ADAMTS19: variants seen among roughly 807,000 people sequenced by gnomAD.
ADAMTS19 encodes the protein A disintegrin and metalloproteinase with thrombospondin motifs 19.
Under a neutral mutation model 153.3 loss-of-function variants are expected in ADAMTS19, and 93 were observed. The observed-to-expected ratio is 0.61, with a 90% CI of 0.51 to 0.72. The LOEUF (loss-of-function observed/expected upper bound fraction) is 0.72, where lower values mean the gene tolerates loss of function less well. Ranked by LOEUF, ADAMTS19 falls within the 30% of genes least tolerant of loss-of-function variation. The pLI, the probability that ADAMTS19 is intolerant of heterozygous loss-of-function variation, is 0.00. For missense variants in ADAMTS19, 1,482 were observed against 1,552.1 expected (o/e 0.95, Z 0.76); for synonymous variants, 600 against 556.6 (o/e 1.08, Z -1.10).
At chr5:129,648,675 C>T in intron 12 of ADAMTS19, 123 bp from the exon 13 acceptor site, 1 of 660,778 alleles carries the variant, frequency 1.5e-6, no homozygotes, top group Non-Finnish European at 2.4e-6. Flanking sequence ...TTAATGTGTC[C>T]AAGTTTTCAA....
chr5:129,512,867 T>G (rs1396437587), intron 3 of ADAMTS19, among the ~76,000 whole-genome samples: 6 of 152,032 alleles, frequency 3.9e-5, no homozygotes, highest in Admixed American at 1.3e-4. Flanking sequence ...TCTTCTTCCA[T>G]CTGTTTACCC....
intron 2 of ADAMTS19, among the ~76,000 whole-genome samples, chr5:129,471,066 A>T (rs1750047718): frequency 8.5e-6 from 1 of 118,062 alleles, no homozygotes; most frequent in Admixed American, 8.5e-5. Context: ...TCAGGATCAA[A>T]ATCAGGCGGT....
At chr5:129,703,860 A>C (rs1180408002) in intron 20 of ADAMTS19, among the ~76,000 whole-genome samples, 1 of 152,222 alleles carries the variant, frequency 6.6e-6, no homozygotes, top group Non-Finnish European at 1.5e-5. Context: ...ATCTAAATAA[A>C]AGAGTACATC....
At chr5:129,617,223 T>C (rs1751571106) in intron 8 of ADAMTS19, among the ~76,000 whole-genome samples, 1 of 152,020 alleles carries the variant, frequency 6.6e-6, no homozygotes, top group Non-Finnish European at 1.5e-5. Flanking sequence ...AATGATAATC[T>C]TTTCTGTTAT....
intron 7 of ADAMTS19, among the ~76,000 whole-genome samples, chr5:129,563,255 A>T (rs777311930): frequency 5.9e-5 from 9 of 152,074 alleles, no homozygotes; most frequent in Non-Finnish European, 1.0e-4. Flanking sequence ...AGAGAATTTC[A>T]GGGACTTAAA....
At chr5:129,647,214 G>GAAAAA (rs34958335) in intron 11 of ADAMTS19, among the ~76,000 whole-genome samples, 5 of 102,286 alleles carry the variant, frequency 4.9e-5, no homozygotes, top group African/African-American at 1.0e-4. Flanking sequence ...AATTCTTTCA[G>GAAAAA]AAAAAAAAAA....
chr5:129,650,695 ATAGT>A (rs1222584287), intron 13 of ADAMTS19, among the ~76,000 whole-genome samples: 2 of 152,124 alleles, frequency 1.3e-5, no homozygotes, highest in African/African-American at 4.8e-5. Flanking sequence ...TTTCTCTCAT[ATAGT>A]TAATCTTCTC....
At position 129,658,347 on chromosome 5, in the gene ADAMTS19, A is replaced by AAGAGAGAGAGAGAGAGAGAGAG. The variant is rs1294171239; in HGVS notation, c.2305-267_2305-266insGAGAGAGAGAGAGAGAGAGAGA. On this transcript the variant is annotated intron_variant, in intron 14 of 22. Coordinates refer to ENST00000274487, the MANE Select transcript of ADAMTS19 (RefSeq NM_133638.6). Reference sequence around the variant, plus strand: ...AAAGAAAGAAAGAAAGAAAGAAAGAAAGAAAGAAAGAAAGAAAGAAAGAGA... The same window carrying AAGAGAGAGAGAGAGAGAGAGAG: ...AAAGAAAGAAAGAAAGAAAGAAAGAAAGAGAGAGAGAGAGAGAGAGAGAGAAAGAAAGAAAGAAAGAAAGAGA... 5.1e-4 allele frequency among the ~76,000 whole-genome samples: 59 copies of AAGAGAGAGAGAGAGAGAGAGAG among 116,062 alleles called. 3 individuals carry two copies. The highest frequency in any genetic ancestry group is 2.0e-3 in the African/African-American group (54 of 27,214). The allele number at this position is 116,062 out of a possible 152,430, so 76.1% of individuals were successfully genotyped here. A position where few individuals can be genotyped will look rare whatever the true frequency, so the allele number is the denominator to read the frequency against.
At chr5:129,503,629 A>T (rs1561541810) in intron 2 of ADAMTS19, among the ~76,000 whole-genome samples, 1 of 152,176 alleles carries the variant, frequency 6.6e-6, no homozygotes, top group Non-Finnish European at 1.5e-5. Flanking sequence ...ACCTGAGGTC[A>T]GGAGTTCAAG....
At chr5:129,493,881 C>G (rs1034457877) in intron 2 of ADAMTS19, among the ~76,000 whole-genome samples, 2 of 151,764 alleles carry the variant, frequency 1.3e-5, no homozygotes, top group African/African-American at 2.4e-5. Context: ...TTATGACAAC[C>G]AAGATGGAAG....
chr5:129,648,056 C>G (rs1753147154), intron 12 of ADAMTS19, among the ~76,000 whole-genome samples, 161 bp downstream of exon 12: 1 of 152,060 alleles, frequency 6.6e-6, no homozygotes, highest in Non-Finnish European at 1.5e-5. Context: ...TAAAAACTGC[C>G]TTTAAGAAGA....
At chr5:129,697,813 T>A (rs967707356) in intron 19 of ADAMTS19, among the ~76,000 whole-genome samples, 11 of 152,256 alleles carry the variant, frequency 7.2e-5, no homozygotes, top group Admixed American at 7.2e-4. Flanking sequence ...CTTTAATAGA[T>A]ATTAAGATGC....
At chr5:129,599,687 G>T (rs1750553508) in intron 8 of ADAMTS19, among the ~76,000 whole-genome samples, 2 of 152,132 alleles carry the variant, frequency 1.3e-5, no homozygotes, top group East Asian at 1.9e-4. Flanking sequence ...ACTAAATGAG[G>T]TAATTTAGGG....
chr5:129,524,996 T>G (rs981782759), intron 3 of ADAMTS19, among the ~76,000 whole-genome samples: 1 of 152,142 alleles, frequency 6.6e-6, no homozygotes, highest in Non-Finnish European at 1.5e-5. Context: ...TCTTCCATAG[T>G]TTCACATGTT....
rs182566938 is a variant in ADAMTS19 at position 129,664,149 on chromosome 5, G to T, written c.2426-1350G>T. ...TAAAAATAGCAGTGAAGCCTTGAAG[G>T]TAGTAGCTTAAACAACTCTGGTTTA... On this transcript the variant is annotated intron_variant, in intron 15 of 22. Transcript: ENST00000274487. Among the ~76,000 whole-genome samples the T allele has an allele frequency of 3.7e-3, 563 of 152,238 alleles. 4 individuals carry two copies. The highest frequency in any genetic ancestry group is 6.6e-3 in the Non-Finnish European group (448 of 68,012).
rs369625792 is a variant in ADAMTS19, at chr5:129,615,480, G to A, written c.1479-5138G>A. 1.1e-3 allele frequency among the ~76,000 whole-genome samples: 168 copies of A among 152,034 alleles called. 2 individuals are homozygous for A. The Middle Eastern group carries it at 0.02, about 18-fold the overall frequency. On this transcript the variant is annotated intron_variant, in intron 8 of 22. Coordinates refer to ENST00000274487, the MANE Select transcript of ADAMTS19 (RefSeq NM_133638.6). ...AATATTCTATTTTAATTCGTTGGGG[G>A]CAGGCCCATGAATCTGCATTTTAAC...
intron 21 of ADAMTS19, among the ~76,000 whole-genome samples, chr5:129,723,836 G>A (rs1238550149): frequency 1.3e-5 from 2 of 152,160 alleles, no homozygotes; most frequent in African/African-American, 4.8e-5. Flanking sequence ...TACATTTTTG[G>A]GAAACGTAAG....
At chr5:129,507,853 T>G (rs1751316005) in intron 2 of ADAMTS19, among the ~76,000 whole-genome samples, 1 of 151,946 alleles carries the variant, frequency 6.6e-6, no homozygotes, top group South Asian at 2.1e-4. Flanking sequence ...GTGATAAAAC[T>G]CATTCAATAA....
Position 129,509,191 on chromosome 5 carries a change from A to G in ADAMTS19, c.862A>G (p.Lys288Glu), listed in dbSNP as rs928913411. ...TAGGCAGAAAAGGTCCATGGAGGAA[A>G]AGGTCACAGAGAAGTCAGCTCTTCA... is the stretch of plus-strand genomic sequence containing the variant. ...VYRQKRSMEE[K>E]VTEKSALHSH... The change falls in exon 3 of 23, where the codon AAG becomes GAG. Residue 288 changes from lysine (K) to glutamate (E), a missense_variant. Physicochemically the swap from Lys to Glu is moderately conservative, Grantham distance 56. This residue lies in a region of ADAMTS19 where 866 missense variants were observed against 827.7 expected (regional missense o/e 1.05). Transcript: ENST00000274487. 6.2e-6 allele frequency: 10 copies of G among 1,612,206 alleles called. No individual in the cohort carries two copies. Among genetic ancestry groups the G allele is most frequent in the Middle Eastern group, 1.6e-4 (1 of 6,072 alleles).
Sources: allele counts gnomAD v4.1 joint callset (sites outside exome capture counted in the v4.1 genomes callset), GRCh38; gene constraint gnomAD v4.1.1; regional missense constraint gnomAD v4.1.1; transcripts MANE v1.5; gene names NCBI Gene and HGNC (gene_info 2026-07-23, HGNC 2026-07-21).